LINGO1: variants seen among roughly 807,000 people sequenced by gnomAD.
LINGO1 encodes the protein leucine rich repeat and Ig domain containing 1.
A neutral mutation model predicts 37.3 loss-of-function variants in LINGO1; 11 were observed. The ratio of observed to expected loss-of-function variants is 0.29; its 90% confidence interval spans 0.19 to 0.49. The LOEUF (loss-of-function observed/expected upper bound fraction) is 0.49, where lower values mean the gene tolerates loss of function less well. LINGO1 is among the 20% of genes least tolerant of loss of function. LINGO1 has a pLI of 0.99. For synonymous variants in LINGO1, 387 were observed against 403.0 expected, an observed-to-expected ratio of 0.96 and a Z score of 0.48; for missense variants, 585 against 878.2, an observed-to-expected ratio of 0.67 and a Z score of 4.22.
In LINGO1 at chr15:77,771,402, A is replaced by G. The variant is rs542288507; in HGVS notation, c.-257+15467T>C. ...GCTGGGCTCTGACTCCGGCACATTG[A>G]TGTGGAGCCACTGGACACTGACCCC... is the stretch of plus-strand genomic sequence containing the variant. On this transcript the variant is annotated intron_variant, in intron 1 of 3. Coordinates refer to the LINGO1 transcript ENST00000561686. 4.6e-5 allele frequency among the ~76,000 whole-genome samples: 7 copies of G among 152,034 alleles called. No individual in the cohort carries two copies. In the South Asian group the frequency reaches 1.5e-3, roughly 32 times the overall value.
chr15:77,742,907 G>C (rs1191809997), intron 1 of LINGO1, among the ~76,000 whole-genome samples: 1 of 152,226 alleles, frequency 6.6e-6, no homozygotes, highest in Non-Finnish European at 1.5e-5. Context: ...CAGACACAAG[G>C]AGTCCACCCT....
chr15:77,811,343 G>A (rs2077004227), intron 1 of LINGO1, among the ~76,000 whole-genome samples: 1 of 152,198 alleles, frequency 6.6e-6, no homozygotes, highest in South Asian at 2.1e-4. Flanking sequence ...ACCTAAAAGA[G>A]GGTCACTTCC....
At chr15:77,814,415 T>C (rs2077032187) in intron 1 of LINGO1, among the ~76,000 whole-genome samples, 1 of 151,878 alleles carries the variant, frequency 6.6e-6, no homozygotes, top group Non-Finnish European at 1.5e-5. Context: ...AAAGAAGGAG[T>C]ATAAAAACAC....
chr15:77,675,999 A>C (rs2075321088), intron 3 of LINGO1, among the ~76,000 whole-genome samples: 4 of 152,192 alleles, frequency 2.6e-5, no homozygotes, highest in Admixed American at 2.0e-4. Flanking sequence ...ACAGGCACAA[A>C]GGCCCAACCC....
intron 1 of LINGO1, among the ~76,000 whole-genome samples, chr15:77,693,168 GT>G (rs1265346762): frequency 6.6e-6 from 1 of 152,146 alleles, no homozygotes; most frequent in Non-Finnish European, 1.5e-5. Flanking sequence ...CTTGTTTTCT[GT>G]GTTATTTTTC....
intron 1 of LINGO1, among the ~76,000 whole-genome samples, chr15:77,749,917 C>G (rs569094754): frequency 6.6e-6 from 1 of 152,184 alleles, no homozygotes; most frequent in Non-Finnish European, 1.5e-5. Flanking sequence ...CAGGCCGGCT[C>G]TCTCCAATTT....
intron 1 of LINGO1, among the ~76,000 whole-genome samples, chr15:77,781,663 T>C (rs2076718576): frequency 1.3e-5 from 2 of 152,144 alleles, no homozygotes; most frequent in Non-Finnish European, 2.9e-5. Flanking sequence ...CCAGGCGTGT[T>C]CACATGGAGA....
intron 1 of LINGO1, among the ~76,000 whole-genome samples, chr15:77,757,198 G>A (rs1567566472): frequency 1.3e-5 from 2 of 152,226 alleles, no homozygotes; most frequent in Non-Finnish European, 2.9e-5. Flanking sequence ...GGCTCCTCAG[G>A]GATCATCTTG....
rs543285495 is a variant in LINGO1, at chr15:77,813,575, C to T, written c.-458+6683G>A. On this transcript the variant is annotated intron_variant, in intron 1 of 5. Coordinates refer to the LINGO1 transcript ENST00000562933. ...CCCAAGAGGGCAGAGGCTGGTCCTA[C>T]TCATCTCTGTCCCTATAGCACCCAG... 3.3e-5 allele frequency among the ~76,000 whole-genome samples: 5 copies of T among 152,268 alleles called. No homozygotes were observed. In the East Asian group the frequency reaches 5.8e-4, roughly 18 times the overall value.
chr15:77,670,195 G>C (rs1596082194), intron 3 of LINGO1, among the ~76,000 whole-genome samples: 1 of 152,180 alleles, frequency 6.6e-6, no homozygotes, highest in South Asian at 2.1e-4. Context: ...GGCCAGGGAG[G>C]AGGGGAGAAT....
chr15:77,798,312 G>A, intron 1 of LINGO1, among the ~76,000 whole-genome samples: 1 of 152,310 alleles, frequency 6.6e-6, no homozygotes, highest in Admixed American at 6.5e-5. Flanking sequence ...AGCCAGTCAG[G>A]CCCAGGCCAA....
intron 1 of LINGO1, among the ~76,000 whole-genome samples, chr15:77,773,828 G>A (rs2076609893): frequency 6.6e-6 from 1 of 151,830 alleles, no homozygotes; most frequent in Admixed American, 6.5e-5. Flanking sequence ...AGGAGCAGTG[G>A]CCTTCTCTGG....
chr15:77,775,181 T>G (rs2076624960), intron 1 of LINGO1, among the ~76,000 whole-genome samples: 2 of 151,658 alleles, frequency 1.3e-5, no homozygotes, highest in African/African-American at 4.8e-5. Context: ...CCCTCTCCAG[T>G]CTCCTTGGCC....
intron 3 of LINGO1, among the ~76,000 whole-genome samples, chr15:77,671,027 G>A (rs1417800401): frequency 6.6e-6 from 1 of 152,158 alleles, no homozygotes; most frequent in Non-Finnish European, 1.5e-5. Flanking sequence ...CAGGCACCAG[G>A]CACAGTTCCT....
At chr15:77,782,668 C>A (rs1363240419) in intron 1 of LINGO1, among the ~76,000 whole-genome samples, 2 of 151,984 alleles carry the variant, frequency 1.3e-5, no homozygotes, top group Admixed American at 6.6e-5. Flanking sequence ...GACTCTCAGC[C>A]TTCCCACCCC....
intron 3 of LINGO1, among the ~76,000 whole-genome samples, chr15:77,668,428 C>T (rs2075179517): frequency 6.6e-6 from 1 of 152,128 alleles, no homozygotes; most frequent in East Asian, 1.9e-4. Flanking sequence ...CAATCCACAC[C>T]CTAAAACCTG....
At position 77,615,618 on chromosome 15, in the gene LINGO1, G is replaced by A; in HGVS notation, c.289C>T (p.Leu97=). ...TTCTCGTTGAGCTCCAGCTCCTCCA[G>A]GTGCGGGAAGCTGGCGAACTCGTCC... is the stretch of plus-strand genomic sequence containing the variant. The part of the protein sequence containing the change: ...NQDEFASFPH[L]EELELNENIV... The change falls in exon 2 of 2, where the codon CTG becomes TTG. Residue 97 remains leucine (L), a synonymous_variant. Transcript: ENST00000355300. The A allele has an allele frequency of 6.2e-7, 1 of 1,612,146 alleles. No individual in the cohort carries two copies. Among genetic ancestry groups the A allele is most frequent in the Non-Finnish European group, 8.5e-7 (1 of 1,179,198 alleles).
intron 3 of LINGO1, among the ~76,000 whole-genome samples, chr15:77,654,826 C>T (rs186320558): frequency 4.9e-4 from 75 of 152,274 alleles, no homozygotes; most frequent in South Asian, 3.5e-3. Flanking sequence ...ATTGTAAGAA[C>T]GAAATGAGAC....
At chr15:77,649,857 G>A (rs1346540194) in intron 3 of LINGO1, among the ~76,000 whole-genome samples, 3 of 152,194 alleles carry the variant, frequency 2.0e-5, no homozygotes, top group East Asian at 1.9e-4. Flanking sequence ...ATGAAAGGGT[G>A]GAGATCTTTT....
Sources: allele counts gnomAD v4.1 joint callset (sites outside exome capture counted in the v4.1 genomes callset), GRCh38; gene constraint gnomAD v4.1.1; transcripts MANE v1.5; gene names NCBI Gene and HGNC (gene_info 2026-07-23, HGNC 2026-07-21).